Variants in BMAL1 observed in about 807,000 individuals in gnomAD.
The protein encoded by BMAL1 is basic helix-loop-helix ARNT like 1.
chr11:13,318,698 T>C, the BMAL1 span, among the ~76,000 whole-genome samples: 3 of 152,070 alleles, frequency 2.0e-5, no homozygotes, highest in African/African-American at 7.2e-5. Flanking sequence ...TGTGCCTCCT[T>C]CTAGCTAGTG....
chr11:13,333,892 A>G, the BMAL1 span, among the ~76,000 whole-genome samples: 3 of 152,300 alleles, frequency 2.0e-5, no homozygotes, highest in Non-Finnish European at 4.4e-5. Flanking sequence ...ATGGACCCAC[A>G]TCCTTTCCCT....
the BMAL1 span, among the ~76,000 whole-genome samples, chr11:13,360,777 T>C: frequency 6.6e-6 from 1 of 152,230 alleles, no homozygotes; most frequent in Non-Finnish European, 1.5e-5. Flanking sequence ...TCTCTTCACC[T>C]GATTTAACCA....
chr11:13,300,471 C>A, the BMAL1 span, among the ~76,000 whole-genome samples: 1 of 152,120 alleles, frequency 6.6e-6, no homozygotes, highest in East Asian at 1.9e-4. Flanking sequence ...AGCAGGGAAA[C>A]AGTAACATGA....
chr11:13,336,806 A>C, the BMAL1 span, among the ~76,000 whole-genome samples: 1 of 152,180 alleles, frequency 6.6e-6, no homozygotes, highest in Non-Finnish European at 1.5e-5. Flanking sequence ...CTTGGTGGTC[A>C]TGTGTGGGCT....
chr11:13,306,350 C>G, the BMAL1 span, among the ~76,000 whole-genome samples: 2 of 152,140 alleles, frequency 1.3e-5, no homozygotes, highest in African/African-American at 4.8e-5. Context: ...GACAGTAGAA[C>G]TGCAGCAGAA....
the BMAL1 span, among the ~76,000 whole-genome samples, chr11:13,319,251 A>G: frequency 6.6e-6 from 1 of 152,222 alleles, no homozygotes; most frequent in South Asian, 2.1e-4. Flanking sequence ...TTTTGTATTG[A>G]TAGACACTCA....
At chr11:13,323,097 G>A in the BMAL1 span, among the ~76,000 whole-genome samples, 64 of 151,510 alleles carry the variant, frequency 4.2e-4, no homozygotes, top group African/African-American at 2.4e-4. Context: ...GCACCCAGCC[G>A]TTGTGAGCAA....
the BMAL1 span, among the ~76,000 whole-genome samples, chr11:13,284,110 G>A: frequency 0.38 from 18,080 of 48,162 alleles, 3,547 homozygotes; most frequent in East Asian, 0.55. Context: ...GTGTGTGTGT[G>A]TATATATATG....
chr11:13,382,794 A>T, the BMAL1 span, among the ~76,000 whole-genome samples: 1 of 152,188 alleles, frequency 6.6e-6, no homozygotes, highest in Non-Finnish European at 1.5e-5. Context: ...TAGTGACAAG[A>T]TCCAGGCTCC....
At chr11:13,385,131 G>A in the BMAL1 span, among the ~76,000 whole-genome samples, 7 of 152,094 alleles carry the variant, frequency 4.6e-5, no homozygotes, top group Non-Finnish European at 7.4e-5. Context: ...GGTGAGTGGG[G>A]GAGATTTTGA....
the BMAL1 span, chr11:13,386,779 C>T: frequency 3.1e-6 from 5 of 1,610,460 alleles, no homozygotes; most frequent in Admixed American, 6.7e-5. Context: ...GCTTTGGCAA[C>T]AGCTATAGTA....
chr11:13,374,103 C>G, the BMAL1 span: 4 of 1,613,170 alleles, frequency 2.5e-6, no homozygotes, highest in East Asian at 4.5e-5. Flanking sequence ...AGGGCAACAG[C>G]TATTTTGGCA....
At chr11:13,313,723 C>T in the BMAL1 span, among the ~76,000 whole-genome samples, 1 of 152,118 alleles carries the variant, frequency 6.6e-6, no homozygotes, top group African/African-American at 2.4e-5. Context: ...TTCCACTGCC[C>T]ACATTCCTAT....
the BMAL1 span, among the ~76,000 whole-genome samples, chr11:13,321,831 A>C: frequency 7.9e-5 from 12 of 152,206 alleles, no homozygotes; most frequent in Non-Finnish European, 1.5e-4. Context: ...ACTATGTGAA[A>C]GAATACACAG....
the BMAL1 span, among the ~76,000 whole-genome samples, chr11:13,351,494 G>A: frequency 1.3e-5 from 2 of 152,296 alleles, no homozygotes; most frequent in South Asian, 4.1e-4. Flanking sequence ...GTGACATCTA[G>A]GCTGGAGATA....
chr11:13,296,648 T>C, the BMAL1 span, among the ~76,000 whole-genome samples: 1 of 152,236 alleles, frequency 6.6e-6, no homozygotes, highest in African/African-American at 2.4e-5. Context: ...GGCCTGGATT[T>C]AAACCCTGGG....
the BMAL1 span, among the ~76,000 whole-genome samples, chr11:13,310,303 G>A: frequency 1.3e-3 from 200 of 152,234 alleles, 2 homozygotes; most frequent in East Asian, 0.017. Context: ...TGGATGCAGC[G>A]GGCCTTATGG....
the BMAL1 span, among the ~76,000 whole-genome samples, chr11:13,344,234 C>G: frequency 6.6e-6 from 1 of 152,184 alleles, no homozygotes; most frequent in African/African-American, 2.4e-5. Flanking sequence ...ACAAGCAAAT[C>G]ATTTTTTCAT....
the BMAL1 span, among the ~76,000 whole-genome samples, chr11:13,322,772 G>A: frequency 7.2e-6 from 1 of 138,540 alleles, no homozygotes; most frequent in East Asian, 2.3e-4. Context: ...TGACTTGTGA[G>A]CAAGTCTTTT....
Sources: gnomAD v4.1 joint callset for allele counts (sites outside exome capture counted in the v4.1 genomes callset) on GRCh38, gnomAD v4.1.1 for gene constraint, MANE v1.5 for transcripts, NCBI Gene and HGNC (gene_info 2026-07-23, HGNC 2026-07-21) for gene names.